CACNA1H: variants seen among roughly 807,000 people sequenced by gnomAD.
CACNA1H encodes voltage-dependent T-type calcium channel subunit alpha-1H.
CACNA1H carries 149 observed loss-of-function variants against 192.5 expected under a neutral mutation model. The observed-to-expected ratio is 0.77, with a 90% confidence interval of 0.68 to 0.89. The LOEUF (loss-of-function observed/expected upper bound fraction) is 0.89, where lower values mean the gene tolerates loss of function less well. Ranked by LOEUF, CACNA1H falls within the 40% of genes least tolerant of loss-of-function variation. The probability of loss-of-function intolerance (pLI) is 0.00; values close to 1 mark genes in which losing one functional copy is unlikely to be tolerated. For synonymous variants in CACNA1H, 2,202 were observed against 1,475.2 expected (o/e 1.49, Z -11.29); for missense variants, 4,257 against 3,423.5 (o/e 1.24, Z -6.08).
rs59721152 is a variant in CACNA1H, at chr16:1,195,361, C to T, written c.412-71C>T. ...GGCAAGACTGGGGGCCGGGCTCTTG[C>T]GGGGCTGGGGTTGGGGGTTGTGGGC... On this transcript the variant is annotated intron_variant, in intron 3 of 34. Coordinates refer to ENST00000348261, the MANE Select transcript of CACNA1H (RefSeq NM_021098.3). 7.3e-3 allele frequency: 10,212 copies of T among 1,399,760 alleles called. 588 individuals carry two copies. The African/African-American group carries it at 0.16, about 22-fold the overall frequency. 86.7% of individuals were successfully genotyped at this position (1,399,760 alleles called of 1,614,324 possible).
In CACNA1H at chr16:1,209,245, C is replaced by T; in HGVS notation, c.3577C>T (p.Leu1193=). The stretch of plus-strand genomic sequence containing the variant: ...CGCGCCCGGGCCCCGTGCCACCCCA[C>T]TGCGGCGGGCCGAGTCCCTGGACCC... ...RAAPGPRATP[L]RRAESLDPRP... Residue 1193 remains leucine, a synonymous_variant, in exon 17 of 35, where the codon CTG becomes TTG. Transcript: ENST00000348261. 3 of 1,544,778 alleles carry T rather than the reference C, an allele frequency of 1.9e-6. No homozygotes were observed. Among genetic ancestry groups the T allele is most frequent in the Non-Finnish European group, 2.6e-6 (3 of 1,147,668 alleles).
chr16:1,209,306 A>C lies in CACNA1H; in HGVS notation c.3638A>C (p.Lys1213Thr). 1 of 1,595,756 alleles carries C rather than the reference A, an allele frequency of 6.3e-7. No individual in the cohort carries two copies. ...PLRPAALPPT[K>T]CRDRDGQVVA... ...CGGCCGGCCGCCCTCCCGCCTACCA[A>C]GTGCCGCGATCGCGACGGGCAGGTG... The change falls in exon 17 of 35, where the codon AAG becomes ACG. Residue 1213 changes from lysine (K) to threonine (T), a missense_variant. Lys to Thr is a moderately conservative substitution (Grantham distance 78). Coordinates refer to ENST00000348261, the MANE Select transcript of CACNA1H (RefSeq NM_021098.3).
rs1446560615 is a variant in CACNA1H at position 1,221,195 on chromosome 16, T to C, written c.*201T>C. On this transcript the variant is annotated 3_prime_UTR_variant, in exon 35 of 35. Coordinates refer to ENST00000348261, the MANE Select transcript of CACNA1H (RefSeq NM_021098.3). ...CCGGGCCCCACGAGCCTCCGTCCGT[T>C]CTGGTTCGGGTTTCTCCGAGTTTTG... is the stretch of plus-strand genomic sequence containing the variant. 9.5e-6 allele frequency: 5 copies of C among 528,798 alleles called. No individual in the cohort carries two copies. The highest frequency in any genetic ancestry group is 1.6e-5 in the Non-Finnish European group (5 of 303,408). 32.8% of individuals were successfully genotyped at this position (528,798 alleles called of 1,614,324 possible). A position where few individuals can be genotyped will look rare whatever the true frequency, so the allele number is the denominator to read the frequency against.
At chr16:1,182,363 C>T (rs1280181353) in intron 2 of CACNA1H, among the ~76,000 whole-genome samples, 4 of 152,150 alleles carry the variant, frequency 2.6e-5, no homozygotes, top group African/African-American at 4.8e-5. Context: ...GGGAGTGAGC[C>T]GTCCACTCAT....
chr16:1,217,784 G>A (rs745738750), intron 31 of CACNA1H, 135 bp from the exon 32 acceptor site: 14 of 1,237,336 alleles, frequency 1.1e-5, no homozygotes, highest in South Asian at 4.8e-5. Flanking sequence ...AGGGCGAACC[G>A]CCAGGGCCTC....
At chr16:1,219,747 C>G (rs1324031049) in intron 34 of CACNA1H, among the ~76,000 whole-genome samples, 2 of 151,888 alleles carry the variant, frequency 1.3e-5, no homozygotes, top group South Asian at 4.1e-4. Context: ...GCCATGGCAT[C>G]TCTGCCCACA....
intron 3 of CACNA1H, 128 bp from the exon 4 acceptor site, chr16:1,195,304 T>C: frequency 1.4e-5 from 14 of 1,002,680 alleles, no homozygotes; most frequent in African/African-American, 5.4e-5. Context: ...TTCCTGGGGC[T>C]CAGGGCGGGG....
chr16:1,219,250 C>T (rs568089982), intron 34 of CACNA1H, 120 bp downstream of exon 34: 2 of 982,600 alleles, frequency 2.0e-6, no homozygotes, highest in South Asian at 1.8e-5. Context: ...CGCACTGGGT[C>T]CTTGGGGCTC....
Position 1,215,270 on chromosome 16 carries a change from C to G in CACNA1H, c.5068C>G (p.Leu1690Val), listed in dbSNP as rs755567471. 6.2e-7 allele frequency: 1 copy of G among 1,606,674 alleles called. No homozygotes were observed. Among genetic ancestry groups the G allele is most frequent in the South Asian group, 1.1e-5 (1 of 89,682 alleles). Residue 1690 changes from leucine to valine, a missense_variant, in exon 29 of 35, where the codon CTG (leucine) becomes GTG (valine). Physicochemically the swap from Leu to Val is conservative, Grantham distance 32. Coordinates refer to ENST00000348261, the MANE Select transcript of CACNA1H (RefSeq NM_021098.3). ...RWNQLDLAIV[L>V]LSLMGITLEE... ...GAACCAGCTGGACCTGGCCATCGTGCTGCTGTCACTCATGGGCATCACGCT... is the reference window on the plus strand; with the variant it reads ...GAACCAGCTGGACCTGGCCATCGTGGTGCTGTCACTCATGGGCATCACGCT...
intron 11 of CACNA1H, 58 bp from the exon 12 acceptor site, chr16:1,206,046 C>T (rs539135623): frequency 4.1e-5 from 61 of 1,479,150 alleles, no homozygotes; most frequent in East Asian, 2.7e-4. Context: ...TCCAGTGGGA[C>T]GAGGGCCTGG....
chr16:1,211,730 GT>G lies in CACNA1H; in HGVS notation c.4493del (p.Phe1498SerfsTer10). ...CTGGCCCTCAGGCCCTGATGTCGCT[GT>G]TCGTGCTGTCATCCAAGGATGGATG... Reference protein sequence around the residue: ...DNLGQALMSLFVLSSKDGWVN... With the variant: ...DNLGQALMSLXVLSSKDGWVN... On this transcript the variant is annotated frameshift_variant, in exon 24 of 35. Coordinates refer to ENST00000348261, the MANE Select transcript of CACNA1H (RefSeq NM_021098.3). LOFTEE classifies it high-confidence loss of function. 2 of 1,612,650 alleles carry G rather than the reference GT, an allele frequency of 1.2e-6. No individual in the cohort carries two copies. The highest frequency in any genetic ancestry group is 8.5e-7 in the Non-Finnish European group (1 of 1,179,728).
chr16:1,187,942 C>T (rs1482869220), intron 2 of CACNA1H, among the ~76,000 whole-genome samples: 7 of 152,114 alleles, frequency 4.6e-5, no homozygotes, highest in Admixed American at 1.3e-4. Context: ...GAGAACGTGT[C>T]CTCCAGGGCC....
intron 9 of CACNA1H, among the ~76,000 whole-genome samples, chr16:1,203,557 C>T (rs1002347064): frequency 6.6e-6 from 1 of 152,106 alleles, no homozygotes; most frequent in Non-Finnish European, 1.5e-5. Flanking sequence ...CTGCTGTACC[C>T]ACGAACTAGT....
chr16:1,212,324 T>C (rs907253594), intron 25 of CACNA1H, among the ~76,000 whole-genome samples, 186 bp downstream of exon 25: 4 of 151,822 alleles, frequency 2.6e-5, no homozygotes, highest in African/African-American at 9.7e-5. Context: ...GAGCCCGCCA[T>C]GGCAGGAGAG....
chr16:1,196,002 C>T lies in CACNA1H; in HGVS notation c.622C>T (p.Arg208Cys), dbSNP rs758015873. Residue 208 changes from arginine (R) to cysteine (C), a missense_variant, in exon 5 of 35, where the codon CGC becomes TGC. Transcript: ENST00000348261. ...GACCGTGCGGGTGCTGCGGCCCCTC[C>T]GCGCCATCAACCGCGTGCCTAGTAA... ...IRTVRVLRPL[R>C]AINRVPSMRI... is the part of the protein sequence containing the mutation. 1.4e-5 allele frequency: 23 copies of T among 1,612,776 alleles called. No homozygotes were observed. In the Middle Eastern group the frequency reaches 6.6e-4, roughly 46 times the overall value.
chr16:1,187,671 C>G (rs1966207811), intron 2 of CACNA1H, among the ~76,000 whole-genome samples: 1 of 152,200 alleles, frequency 6.6e-6, no homozygotes, highest in African/African-American at 2.4e-5. Context: ...CTGCTGGGAT[C>G]CCTGGAGGCC....
chr16:1,159,366 G>A (rs1962877436), intron 2 of CACNA1H, among the ~76,000 whole-genome samples: 1 of 152,058 alleles, frequency 6.6e-6, no homozygotes, highest in Admixed American at 6.5e-5. Flanking sequence ...GCCGAGGGAA[G>A]AACGTCCAGG....
At chr16:1,203,918 A>T (rs1206117158) in intron 9 of CACNA1H, 92 bp from the exon 10 acceptor site, 3 of 920,212 alleles carry the variant, frequency 3.3e-6, no homozygotes, top group Non-Finnish European at 4.8e-6. Flanking sequence ...GGGGGGACAC[A>T]TTCACCCCAC....
intron 3 of CACNA1H, 27 bp from the exon 4 acceptor site, chr16:1,195,405 G>A (rs779221011): frequency 4.5e-6 from 7 of 1,550,312 alleles, no homozygotes; most frequent in African/African-American, 1.4e-5. Context: ...GCTGTTCCAC[G>A]GGCCCTCCTG....
Sources: allele counts gnomAD v4.1 joint callset (sites outside exome capture counted in the v4.1 genomes callset), GRCh38; gene constraint gnomAD v4.1.1; transcripts MANE v1.5; gene names NCBI Gene and HGNC (gene_info 2026-07-23, HGNC 2026-07-21).